The following NYAP2 variants were observed in gnomAD, a reference collection of about 807,000 sequenced individuals.
NYAP2 encodes neuronal tyrosine-phosphorylated phosphoinositide-3-kinase adaptor 2, also known as neuronal tyrosine-phosphorylated phosphoinositide-3-kinase adapter 2.
NYAP2 carries 23 observed loss-of-function variants against 50.4 expected under a neutral mutation model. The ratio of observed to expected loss-of-function variants is 0.46; its 90% CI spans 0.33 to 0.65. NYAP2 has a LOEUF of 0.65. Ranked by LOEUF, NYAP2 falls within the 30% of genes least tolerant of loss-of-function variation. NYAP2 has a pLI of 0.02. For missense variants in NYAP2, 885 were observed against 861.0 expected (o/e 1.03, Z -0.35); for synonymous variants, 394 against 365.2 (o/e 1.08, Z -0.90).
At chr2:225,691,341 T>C in the NYAP2 span, among the ~76,000 whole-genome samples, 5 of 152,146 alleles carry the variant, frequency 3.3e-5, no homozygotes, top group Admixed American at 6.5e-5. Context: ...TTGATTTATG[T>C]ACACCACCAT....
At chr2:225,486,761 T>C (rs886265797) in intron 3 of NYAP2, among the ~76,000 whole-genome samples, 1 of 151,120 alleles carries the variant, frequency 6.6e-6, no homozygotes, top group Non-Finnish European at 1.5e-5. Flanking sequence ...GAGGTTCTGA[T>C]AGGATATTCT....
At chr2:225,490,014 G>A (rs1365514753) in intron 3 of NYAP2, among the ~76,000 whole-genome samples, 1 of 152,162 alleles carries the variant, frequency 6.6e-6, no homozygotes, top group Admixed American at 6.5e-5. Flanking sequence ...ACTGTGAAAG[G>A]TTCTTAGATG....
chr2:225,579,049 C>T (rs1049486322), intron 4 of NYAP2, among the ~76,000 whole-genome samples: 9 of 151,844 alleles, frequency 5.9e-5, no homozygotes, highest in East Asian at 1.9e-4. Flanking sequence ...CACACACGCG[C>T]GTGCACACAC....
chr2:225,519,267 TTTTTA>T (rs1574655460), intron 4 of NYAP2, among the ~76,000 whole-genome samples: 1 of 151,694 alleles, frequency 6.6e-6, no homozygotes, highest in African/African-American at 2.4e-5. Context: ...TATTTTTTAT[TTTTTA>T]TTTTATTTTA....
At chr2:225,581,541 A>G (rs755836196) in intron 4 of NYAP2, among the ~76,000 whole-genome samples, 22 of 152,216 alleles carry the variant, frequency 1.4e-4, no homozygotes, top group Non-Finnish European at 3.1e-4. Context: ...TTTGACCAAT[A>G]GTGCTAACAG....
At position 225,651,692 on chromosome 2, in the gene NYAP2, C is replaced by A; in HGVS notation, c.*127C>A. On this transcript the variant is annotated 3_prime_UTR_variant, in exon 7 of 7. Coordinates refer to ENST00000636099, the Ensembl canonical transcript of NYAP2. The stretch of plus-strand genomic sequence containing the variant: ...AGGGGATGCGGGGGATGAGTTCTGG[C>A]AGTCTGTGTTTTCATTTGAAAAAGA... The A allele has an allele frequency of 5.3e-6, 5 of 942,576 alleles. No homozygotes were observed. The South Asian group carries it at 6.8e-5, about 13-fold the overall frequency. 58.4% of individuals were successfully genotyped at this position (942,576 alleles called of 1,614,324 possible).
intron 4 of NYAP2, among the ~76,000 whole-genome samples, chr2:225,519,591 G>C (rs1171447624): frequency 6.6e-6 from 1 of 152,108 alleles, no homozygotes; most frequent in Non-Finnish European, 1.5e-5. Context: ...TCCCTACAAA[G>C]GACATGAACT....
chr2:225,411,398 G>A (rs1695036578), intron 3 of NYAP2, among the ~76,000 whole-genome samples: 1 of 152,092 alleles, frequency 6.6e-6, no homozygotes. Context: ...AAGGGGAGCA[G>A]GTTTAGCGTA....
At chr2:225,611,455 C>T (rs1246556877) in intron 5 of NYAP2, among the ~76,000 whole-genome samples, 1 of 152,068 alleles carries the variant, frequency 6.6e-6, no homozygotes, top group African/African-American at 2.4e-5. Flanking sequence ...CTCTTCACTC[C>T]AGCTGCGCAG....
rs76110498 is a variant in NYAP2, at chr2:225,632,514, A to G, written c.1828+5388A>G. On this transcript the variant is annotated intron_variant, in intron 6 of 6. Transcript: ENST00000636099. The stretch of plus-strand genomic sequence containing the variant: ...TCTTAACAGCTCTTTTGAGGAATGA[A>G]GGAATTGCTGAAGTAAAGCAAATGT... Among the ~76,000 whole-genome samples the G allele has an allele frequency of 5.3e-3, 811 of 152,334 alleles. 9 individuals are homozygous for G. The highest frequency in any genetic ancestry group is 0.019 in the African/African-American group (781 of 41,584).
At chr2:225,606,537 C>T (rs990662144) in intron 5 of NYAP2, among the ~76,000 whole-genome samples, 4 of 152,136 alleles carry the variant, frequency 2.6e-5, no homozygotes, top group Admixed American at 2.6e-4. Flanking sequence ...TGTCTATTCA[C>T]AGAGTACTGC....
chr2:225,565,637 TA>T (rs11307088), intron 4 of NYAP2, among the ~76,000 whole-genome samples: 43,657 of 152,068 alleles, frequency 0.29, 7,683 homozygotes, highest in Non-Finnish European at 0.39. Flanking sequence ...TGTATAGCAA[TA>T]ATAATTGATA....
At chr2:225,429,413 T>C (rs905818606) in intron 3 of NYAP2, among the ~76,000 whole-genome samples, 3 of 152,226 alleles carry the variant, frequency 2.0e-5, no homozygotes, top group Non-Finnish European at 4.4e-5. Flanking sequence ...GGATCCGTAA[T>C]AGTGTCTTCA....
chr2:225,612,827 A>C, intron 5 of NYAP2, among the ~76,000 whole-genome samples: 1 of 151,926 alleles, frequency 6.6e-6, no homozygotes, highest in Non-Finnish European at 1.5e-5. Flanking sequence ...TGATGACATC[A>C]CACCCAATGT....
intron 4 of NYAP2, among the ~76,000 whole-genome samples, chr2:225,572,361 G>C (rs994907925): frequency 2.0e-5 from 3 of 152,192 alleles, no homozygotes; most frequent in Non-Finnish European, 4.4e-5. Context: ...AAAGAAAAGA[G>C]GTTTAATTGA....
At chr2:225,656,382 T>C (rs1693826466), downstream of NYAP2, among the ~76,000 whole-genome samples, 2 of 152,178 alleles carry the variant, frequency 1.3e-5, no homozygotes, top group African/African-American at 4.8e-5. Flanking sequence ...CCTTTCAACT[T>C]GTCTCTTCGG....
At chr2:225,398,116 T>A (rs1425833266), upstream of NYAP2, among the ~76,000 whole-genome samples, 1 of 152,048 alleles carries the variant, frequency 6.6e-6, no homozygotes, top group South Asian at 2.1e-4. Context: ...GGCAACTGTA[T>A]GTCAGCCTCT....
intron 5 of NYAP2, among the ~76,000 whole-genome samples, chr2:225,601,920 T>G (rs1174891871): frequency 6.6e-6 from 1 of 152,230 alleles, no homozygotes; most frequent in Non-Finnish European, 1.5e-5. Flanking sequence ...TTGCCTGTGC[T>G]TGTGTTGTTA....
intron 3 of NYAP2, among the ~76,000 whole-genome samples, chr2:225,476,555 A>T (rs1471005138): frequency 6.6e-6 from 1 of 152,222 alleles, no homozygotes; most frequent in African/African-American, 2.4e-5. Context: ...ATGCAAATAT[A>T]TATTTTATGA....
Sources: allele counts gnomAD v4.1 joint callset (sites outside exome capture counted in the v4.1 genomes callset), GRCh38; gene constraint gnomAD v4.1.1; transcripts MANE v1.5; gene names NCBI Gene and HGNC (gene_info 2026-07-23, HGNC 2026-07-21).